PCNX2: variants seen among roughly 807,000 people sequenced by gnomAD.
PCNX2 encodes the protein pecanex-like protein 2.
Under a neutral mutation model 223.8 loss-of-function variants are expected in PCNX2, and 168 were observed. The ratio of observed to expected loss-of-function variants is 0.75; its 90% CI spans 0.66 to 0.85. PCNX2 has a LOEUF of 0.85. Ranked by LOEUF, PCNX2 falls within the 40% of genes least tolerant of loss-of-function variation. The probability of loss-of-function intolerance (pLI) is 0.00; values close to 1 mark genes in which losing one functional copy is unlikely to be tolerated. For synonymous variants in PCNX2, 1,006 were observed against 1,052.6 expected, an observed-to-expected ratio of 0.96 and a Z score of 0.86; for missense variants, 2,507 against 2,675.5, an observed-to-expected ratio of 0.94 and a Z score of 1.39.
At position 233,295,434 on chromosome 1, in the gene PCNX2, G is replaced by A. The variant is rs1291145317; in HGVS notation, c.45C>T (p.Ala15=). The change falls in exon 1 of 34, where the codon GCC becomes GCT. Residue 15 remains alanine (A), a synonymous_variant. Transcript: ENST00000258229. This position sits in a 1 kb window ranked among gnomAD's most constrained non-coding sequence, Gnocchi z 4.1. ...VLQLLRQGVW[A]ALTGGWYHDP... is the part of the protein sequence containing the mutation. ...CGTGGTACCAGCCCCCGGTGAGCGC[G>A]GCCCACACGCCCTGCCGGAGCAGCT... 1 of 1,551,596 alleles carries A rather than the reference G, an allele frequency of 6.4e-7. No individual in the cohort carries two copies. Among genetic ancestry groups the A allele is most frequent in the South Asian group, 1.2e-5 (1 of 84,060 alleles).
At chr1:233,077,386 G>C (rs12097337) in intron 23 of PCNX2, among the ~76,000 whole-genome samples, 2,467 of 152,168 alleles carry the variant, frequency 0.016, 76 homozygotes, top group African/African-American at 0.056. Context: ...ACCCTCACCG[G>C]TGTTTTCCTA....
intron 25 of PCNX2, among the ~76,000 whole-genome samples, chr1:233,052,712 G>C (rs757670399): frequency 5.3e-5 from 8 of 152,164 alleles, no homozygotes; most frequent in Non-Finnish European, 1.0e-4. Flanking sequence ...ACCTACACTA[G>C]TGCATGACAT....
chr1:233,005,431 T>TAACC (rs1185449487), intron 28 of PCNX2, among the ~76,000 whole-genome samples: 1 of 152,194 alleles, frequency 6.6e-6, no homozygotes, highest in African/African-American at 2.4e-5. Context: ...CACAGGAGCC[T>TAACC]CTCTAAGAGG....
intron 9 of PCNX2, among the ~76,000 whole-genome samples, chr1:233,229,021 G>A (rs1423075465): frequency 2.6e-5 from 4 of 152,190 alleles, no homozygotes; most frequent in African/African-American, 9.6e-5. Context: ...GGCTTTTAAA[G>A]GACTTCTACA....
At chr1:233,276,336 T>G (rs1660914182) in intron 1 of PCNX2, among the ~76,000 whole-genome samples, 1 of 151,554 alleles carries the variant, frequency 6.6e-6, no homozygotes, top group African/African-American at 2.4e-5. Context: ...AAATGGGGAG[T>G]TATTGTCTAA....
intron 10 of PCNX2, among the ~76,000 whole-genome samples, chr1:233,226,789 T>C (rs1260710615): frequency 6.6e-6 from 1 of 152,026 alleles, no homozygotes; most frequent in African/African-American, 2.4e-5. Flanking sequence ...GAAATCACCC[T>C]ACTTCATCTT....
At position 232,990,204 on chromosome 1, in the gene PCNX2, C is replaced by T. The variant is rs549377138; in HGVS notation, c.5792-3664G>A. On this transcript the variant is annotated intron_variant, in intron 32 of 33. Transcript: ENST00000258229. The surrounding 1 kb of genome is among the most constrained non-coding windows in gnomAD (Gnocchi z 4.3). ...CTGGGAATGGCAGGTAGGTGGTTTC[C>T]GCAAAGTGTCCCGGGCAGGGCCAGG... Among the ~76,000 whole-genome samples the T allele has an allele frequency of 3.3e-5, 5 of 152,314 alleles. No individual in the cohort carries two copies. The highest frequency in any genetic ancestry group is 9.6e-5 in the African/African-American group (4 of 41,572).
chr1:233,167,336 AAGAGAGAG>A (rs71821384), intron 17 of PCNX2, among the ~76,000 whole-genome samples: 9 of 148,984 alleles, frequency 6.0e-5, no homozygotes, highest in African/African-American at 2.0e-4. Context: ...GTAGAATCTA[AAGAGAGAG>A]AGAGAGAGAG....
rs371700861 is a variant in PCNX2 at position 233,002,262 on chromosome 1, C to T, written c.4953-581G>A. The stretch of plus-strand genomic sequence containing the variant: ...TTTTTTTAATGATGAGAGGAAGAGG[C>T]GGAAGAGTGAGGCTTAAGAGGAAAG... On this transcript the variant is annotated intron_variant, in intron 28 of 33. Coordinates refer to ENST00000258229, the MANE Select transcript of PCNX2 (RefSeq NM_014801.4). Among the ~76,000 whole-genome samples the T allele has an allele frequency of 1.4e-3, 206 of 151,682 alleles. 3 individuals are homozygous for T. The highest frequency in any genetic ancestry group is 4.5e-3 in the African/African-American group (184 of 41,308).
chr1:232,987,403 G>A (rs938032021), intron 32 of PCNX2, among the ~76,000 whole-genome samples: 3 of 152,196 alleles, frequency 2.0e-5, no homozygotes, highest in Non-Finnish European at 2.9e-5. Flanking sequence ...CTAGAACACC[G>A]GGTTGCTTAA....
chr1:233,172,268 C>G, intron 17 of PCNX2: 4 of 825,336 alleles, frequency 4.8e-6, no homozygotes, highest in Non-Finnish European at 5.8e-6. Context: ...CCTAAAAAAA[C>G]TGGTTTGGGA....
intron 8 of PCNX2, among the ~76,000 whole-genome samples, chr1:233,243,641 T>C (rs964538745): frequency 1.3e-5 from 2 of 152,168 alleles, no homozygotes; most frequent in Admixed American, 6.5e-5. Context: ...TCTTTTGTTA[T>C]ATAAAATCAG....
At chr1:233,239,687 C>A (rs1208224402) in intron 8 of PCNX2, among the ~76,000 whole-genome samples, 1 of 152,224 alleles carries the variant, frequency 6.6e-6, no homozygotes, top group East Asian at 1.9e-4. Context: ...GCAGTGAACA[C>A]TGCCTTTCAT....
At chr1:233,086,406 C>A (rs888109070) in intron 23 of PCNX2, among the ~76,000 whole-genome samples, 7 of 152,070 alleles carry the variant, frequency 4.6e-5, no homozygotes, top group Non-Finnish European at 1.0e-4. Context: ...GCCTGTAATC[C>A]CAGCACTTTG....
chr1:233,056,795 G>A (rs1672206276), intron 24 of PCNX2, among the ~76,000 whole-genome samples: 2 of 152,252 alleles, frequency 1.3e-5, no homozygotes, highest in South Asian at 2.1e-4. Flanking sequence ...TAATTTTCTA[G>A]CAGGTACATC....
chr1:233,323,280 G>A, the PCNX2 span, among the ~76,000 whole-genome samples: 1 of 152,198 alleles, frequency 6.6e-6, no homozygotes, highest in African/African-American at 2.4e-5. Flanking sequence ...TGGGGAAAGT[G>A]TTAATGTTTT....
intron 21 of PCNX2, among the ~76,000 whole-genome samples, chr1:233,120,037 C>T (rs1279752990): frequency 4.0e-5 from 6 of 150,480 alleles, no homozygotes; most frequent in Non-Finnish European, 8.9e-5. Context: ...CGTGGTTGCA[C>T]GCGCCTGTAG....
intron 3 of PCNX2, 79 bp from the exon 4 acceptor site, chr1:233,261,400 G>C: frequency 5.3e-6 from 7 of 1,319,616 alleles, no homozygotes; most frequent in Non-Finnish European, 7.6e-6. Flanking sequence ...ATAACTGACA[G>C]CAGTCACTGA....
intron 23 of PCNX2, among the ~76,000 whole-genome samples, chr1:233,073,890 A>C (rs1419733296): frequency 6.6e-6 from 1 of 152,204 alleles, no homozygotes; most frequent in Non-Finnish European, 1.5e-5. Flanking sequence ...AAAGTGCTGC[A>C]GTTATAGGCA....
Sources: allele counts gnomAD v4.1 joint callset (sites outside exome capture counted in the v4.1 genomes callset), GRCh38; gene constraint gnomAD v4.1.1; non-coding constraint Gnocchi (gnomAD v3.1); transcripts MANE v1.5; gene names NCBI Gene and HGNC (gene_info 2026-07-23, HGNC 2026-07-21).